Variants in DPYD observed in about 807,000 individuals in gnomAD.
DPYD encodes dihydropyrimidine dehydrogenase [NADP(+)].
A neutral mutation model predicts 116.2 loss-of-function variants in DPYD; 109 were observed. The ratio of observed to expected loss-of-function variants is 0.94; its 90% CI spans 0.80 to 1.10. DPYD has a LOEUF of 1.10. Among genes scored for constraint, DPYD ranks in the 50% least tolerant of loss-of-function variants. The probability of loss-of-function intolerance (pLI) is 0.00; values close to 1 mark genes in which losing one functional copy is unlikely to be tolerated. For synonymous variants in DPYD, 440 were observed against 432.0 expected, an observed-to-expected ratio of 1.02 and a Z score of -0.23; for missense variants, 1,302 against 1,254.5, an observed-to-expected ratio of 1.04 and a Z score of -0.57.
intron 15 of DPYD, among the ~76,000 whole-genome samples, chr1:97,374,920 T>C (rs1412492252): frequency 6.6e-6 from 1 of 150,484 alleles, no homozygotes; most frequent in Non-Finnish European, 1.5e-5. Flanking sequence ...TCCCAGCTAC[T>C]TGGGAAGCTG....
chr1:97,392,875 G>A (rs1412228819), intron 14 of DPYD, among the ~76,000 whole-genome samples: 7 of 151,858 alleles, frequency 4.6e-5, no homozygotes, highest in African/African-American at 1.7e-4. Context: ...TCCCTCACAA[G>A]GCTTGCAATC....
chr1:97,252,046 T>C (rs1041263564), intron 18 of DPYD, among the ~76,000 whole-genome samples: 3 of 152,160 alleles, frequency 2.0e-5, no homozygotes, highest in African/African-American at 7.2e-5. Flanking sequence ...TTATTCCTAT[T>C]AAAACCTTGT....
At chr1:97,595,210 C>T (rs750317415) in intron 8 of DPYD, 44 bp from the exon 9 acceptor site, 2 of 1,503,902 alleles carry the variant, frequency 1.3e-6, no homozygotes, top group Non-Finnish European at 1.8e-6. Context: ...GGAGGAGGGG[C>T]TTTTCCTATT....
intron 2 of DPYD, among the ~76,000 whole-genome samples, chr1:97,864,602 A>G (rs1022083857): frequency 1.3e-5 from 2 of 151,892 alleles, no homozygotes; most frequent in African/African-American, 4.8e-5. Flanking sequence ...TGTTAGATAA[A>G]AACTGAGGCC....
intron 13 of DPYD, among the ~76,000 whole-genome samples, chr1:97,514,633 A>C (rs568298537): frequency 2.0e-5 from 3 of 152,020 alleles, no homozygotes; most frequent in African/African-American, 7.2e-5. Flanking sequence ...TTGTTTAATA[A>C]AATATTCAGT....
intron 11 of DPYD, among the ~76,000 whole-genome samples, chr1:97,561,994 T>C (rs1261293539): frequency 2.6e-5 from 4 of 152,240 alleles, no homozygotes; most frequent in Non-Finnish European, 4.4e-5. Flanking sequence ...TTTATTTGCA[T>C]GCATCTTTCC....
At chr1:97,314,493 T>G (rs1015724174) in intron 16 of DPYD, among the ~76,000 whole-genome samples, 40 of 144,876 alleles carry the variant, frequency 2.8e-4, no homozygotes, top group African/African-American at 1.0e-3. Flanking sequence ...AAGCTTTCTT[T>G]TTTTTTTTTT....
intron 8 of DPYD, among the ~76,000 whole-genome samples, chr1:97,663,445 A>G (rs1355667781): frequency 2.6e-5 from 4 of 151,836 alleles, no homozygotes; most frequent in Non-Finnish European, 5.9e-5. Context: ...AGTAACCAAG[A>G]CTCATTCATT....
Position 97,380,364 on chromosome 1 carries a change from A to G in DPYD, c.1974+2029T>C, listed in dbSNP as rs1430106707. Among the ~76,000 whole-genome samples, 2 of 152,224 alleles carry G rather than the reference A, an allele frequency of 1.3e-5. 1 individual carries two copies. Among genetic ancestry groups the G allele is most frequent in the East Asian group, 3.9e-4 (2 of 5,190 alleles). ...TACCTGGATCAAGAAAACTAACTAG[A>G]TTCTAACAATGCTACTAATTTGACA... On this transcript the variant is annotated intron_variant, in intron 15 of 22. Transcript: ENST00000370192.
At chr1:97,499,756 A>C (rs1048730506) in intron 13 of DPYD, among the ~76,000 whole-genome samples, 3 of 151,934 alleles carry the variant, frequency 2.0e-5, no homozygotes, top group Non-Finnish European at 2.9e-5. Context: ...TTACAAATAC[A>C]ATTTTTATTT....
intron 18 of DPYD, among the ~76,000 whole-genome samples, chr1:97,297,637 G>A (rs1666612713): frequency 6.6e-6 from 1 of 152,144 alleles, no homozygotes; most frequent in African/African-American, 2.4e-5. Context: ...ATTGTCTGGG[G>A]ATGGCAAGAA....
Position 97,315,692 on chromosome 1 carries a change from C to T in DPYD, c.2059-9395G>A, listed in dbSNP as rs995337555. 4.6e-5 allele frequency among the ~76,000 whole-genome samples: 7 copies of T among 152,070 alleles called. 1 individual carries two copies. Among genetic ancestry groups the T allele is most frequent in the East Asian group, 2.0e-4 (1 of 5,122 alleles). On this transcript the variant is annotated intron_variant, in intron 16 of 22. Transcript: ENST00000370192. ...TACTGAGAGGAATTCAAGAAAGCTA[C>T]GCTGAATCCAAACGAATCTCTCAAA... is the stretch of plus-strand genomic sequence containing the variant.
Position 97,513,318 on chromosome 1 carries a change from C to A in DPYD, c.1740+2408G>T, listed in dbSNP as rs772280032. On this transcript the variant is annotated intron_variant, in intron 13 of 22. Transcript: ENST00000370192. ...TTCAGCTGTCAATCCAGAAAAACAA[C>A]GAGGGAGCCACACTGTCAGTAGGAC... Among the ~76,000 whole-genome samples, 465 of 151,802 alleles carry A rather than the reference C, an allele frequency of 3.1e-3. 1 individual carries two copies. Among genetic ancestry groups the A allele is most frequent in the Middle Eastern group, 6.8e-3 (2 of 294 alleles).
chr1:97,552,753 A>G (rs1651416385), intron 11 of DPYD, among the ~76,000 whole-genome samples: 1 of 152,108 alleles, frequency 6.6e-6, no homozygotes, highest in East Asian at 1.9e-4. Context: ...TCTAAAATAG[A>G]AAAAGGATTT....
chr1:97,703,986 G>A (rs928126746), intron 5 of DPYD, among the ~76,000 whole-genome samples: 1 of 151,962 alleles, frequency 6.6e-6, no homozygotes, highest in African/African-American at 2.4e-5. Context: ...GGCAATACAT[G>A]AGGGCTCATT....
intron 19 of DPYD, among the ~76,000 whole-genome samples, chr1:97,228,920 G>A (rs1661382496): frequency 6.6e-6 from 1 of 152,066 alleles, no homozygotes. Flanking sequence ...GAGGCTGGGT[G>A]CGGTGGCTCA....
intron 12 of DPYD, chr1:97,546,488 AAAAAC>A: frequency 6.2e-7 from 1 of 1,604,288 alleles, no homozygotes; most frequent in South Asian, 1.1e-5. Context: ...GAGCAAGATG[AAAAAC>A]AAAACAAAGA....
chr1:97,193,496 T>A (rs540370862), intron 19 of DPYD, among the ~76,000 whole-genome samples: 1 of 152,156 alleles, frequency 6.6e-6, no homozygotes, highest in Non-Finnish European at 1.5e-5. Flanking sequence ...GGTATATACA[T>A]GTTCCAAAAC....
intron 1 of DPYD, among the ~76,000 whole-genome samples, chr1:97,920,179 G>A (rs1419063723): frequency 1.3e-5 from 2 of 152,120 alleles, no homozygotes; most frequent in Non-Finnish European, 2.9e-5. Context: ...ATACTAGAGA[G>A]AAAGGAAATG....
Sources: gnomAD v4.1 joint callset for allele counts (sites outside exome capture counted in the v4.1 genomes callset) on GRCh38, gnomAD v4.1.1 for gene constraint, MANE v1.5 for transcripts, NCBI Gene and HGNC (gene_info 2026-07-23, HGNC 2026-07-21) for gene names.